The following CEP164 variants were observed in gnomAD, a reference collection of about 807,000 sequenced individuals.
CEP164 encodes centrosomal protein 164.
A neutral mutation model predicts 182.7 loss-of-function variants in CEP164; 162 were observed. That is an observed-to-expected ratio of 0.89 (90% CI 0.78 to 1.01). The LOEUF (loss-of-function observed/expected upper bound fraction) is 1.01. Among genes scored for constraint, CEP164 ranks in the 50% least tolerant of loss-of-function variants. CEP164 has a pLI of 0.00. For missense variants in CEP164, 1,735 were observed against 1,790.4 expected (o/e 0.97, Z 0.56); for synonymous variants, 661 against 690.0 (o/e 0.96, Z 0.66).
chr11:117,336,593 T>C (rs2037157667), intron 2 of CEP164: 1 of 1,461,614 alleles, frequency 6.8e-7, no homozygotes, highest in Non-Finnish European at 9.5e-7. Flanking sequence ...TTGGGGGATA[T>C]GGATTTGGCC....
At chr11:117,403,763 C>T (rs1000715283) in intron 27 of CEP164, among the ~76,000 whole-genome samples, 24 of 152,104 alleles carry the variant, frequency 1.6e-4, no homozygotes, top group Non-Finnish European at 2.9e-5. Context: ...CAACTTGATT[C>T]CATTCTCCCC....
chr11:117,350,113 T>A (rs1053344034), intron 4 of CEP164, among the ~76,000 whole-genome samples: 1 of 152,144 alleles, frequency 6.6e-6, no homozygotes, highest in African/African-American at 2.4e-5. Flanking sequence ...TTCACCATGT[T>A]GATCAGGCTG....
chr11:117,366,082 A>T (rs150247529), intron 8 of CEP164, among the ~76,000 whole-genome samples: 436 of 152,038 alleles, frequency 2.9e-3, no homozygotes, highest in African/African-American at 9.9e-3. Flanking sequence ...TTTTTGTCAC[A>T]TGGAGTGTTG....
intron 3 of CEP164, among the ~76,000 whole-genome samples, chr11:117,341,318 GATC>G (rs1399199218): frequency 6.6e-6 from 1 of 152,156 alleles, no homozygotes; most frequent in Non-Finnish European, 1.5e-5. Context: ...TTATAAAGCA[GATC>G]ATGTCAGGGC....
intron 30 of CEP164, chr11:117,410,201 C>G: frequency 3.2e-6 from 2 of 628,334 alleles, no homozygotes; most frequent in South Asian, 3.7e-5. Context: ...TGGGTTGGGA[C>G]GGTTTAGATG....
Position 117,395,152 on chromosome 11 carries a change from G to C in CEP164, c.2874G>C (p.Gln958His). ...QEETARREKQ[Q>H]LLDVQRQVAL... is the part of the protein sequence containing the mutation. ...AGACCGCCCGGAGGGAGAAGCAGCA[G>C]CTGCTTGATGTGCAGAGGCAGGTTG... Residue 958 changes from glutamine (Q) to histidine (H), a missense_variant, in exon 23 of 33, where the codon CAG becomes CAC. Gln to His is a conservative substitution (Grantham distance 24). Transcript: ENST00000278935. 1 of 1,614,162 alleles carries C rather than the reference G, an allele frequency of 6.2e-7. No homozygotes were observed. The highest frequency in any genetic ancestry group is 1.1e-5 in the South Asian group (1 of 91,080).
At position 117,383,460 on chromosome 11, in the gene CEP164, C is replaced by T. The variant is rs533983216; in HGVS notation, c.1724+518C>T. 2.6e-5 allele frequency among the ~76,000 whole-genome samples: 4 copies of T among 152,306 alleles called. 1 individual carries two copies. The South Asian group carries it at 8.3e-4, about 32-fold the overall frequency. ...CTTCACTGTTCTGGCCTGTGAGCTC[C>T]AAGTTCTGGCCAAAGGGTCATTTTT... On this transcript the variant is annotated intron_variant, in intron 14 of 32. Coordinates refer to ENST00000278935, the MANE Select transcript of CEP164 (RefSeq NM_014956.5).
chr11:117,400,643 T>G (rs546564725), intron 27 of CEP164, among the ~76,000 whole-genome samples: 2 of 152,252 alleles, frequency 1.3e-5, no homozygotes, highest in East Asian at 1.9e-4. Context: ...CCATTTGTTT[T>G]TGTCCTCTCT....
At chr11:117,335,086 T>C (rs963903799) in intron 1 of CEP164, among the ~76,000 whole-genome samples, 1 of 152,164 alleles carries the variant, frequency 6.6e-6, no homozygotes, top group Non-Finnish European at 1.5e-5. Flanking sequence ...AAGATTCAGG[T>C]GACTCTGTAA....
chr11:117,397,376 C>A, intron 27 of CEP164, 63 bp downstream of exon 27: 1 of 1,486,592 alleles, frequency 6.7e-7, no homozygotes, highest in Non-Finnish European at 9.1e-7. Flanking sequence ...GTCAGCAAAA[C>A]AGTCCTTTGG....
chr11:117,389,057 A>C (rs1354980782), intron 15 of CEP164, among the ~76,000 whole-genome samples: 1 of 152,262 alleles, frequency 6.6e-6, no homozygotes, highest in East Asian at 1.9e-4. Flanking sequence ...GGCGTGAGCC[A>C]CTGTGCCCGG....
intron 9 of CEP164, among the ~76,000 whole-genome samples, chr11:117,372,363 G>A (rs914474633): frequency 9.9e-5 from 15 of 151,748 alleles, no homozygotes; most frequent in Admixed American, 9.2e-4. Flanking sequence ...TGCCCGCCTC[G>A]GCCTCCCCAA....
chr11:117,408,333 G>A (rs1456231025), intron 28 of CEP164, among the ~76,000 whole-genome samples: 1 of 152,240 alleles, frequency 6.6e-6, no homozygotes, highest in Non-Finnish European at 1.5e-5. Flanking sequence ...GGACAGGTGT[G>A]ACCAGGGTGT....
chr11:117,344,409 C>T, intron 4 of CEP164, 132 bp downstream of exon 4: 1 of 609,262 alleles, frequency 1.6e-6, no homozygotes, highest in Non-Finnish European at 2.9e-6. Flanking sequence ...CTGTGCCACC[C>T]CTCTGCTATG....
At chr11:117,344,692 C>A (rs955982608) in intron 4 of CEP164, among the ~76,000 whole-genome samples, 1 of 152,110 alleles carries the variant, frequency 6.6e-6, no homozygotes, top group Non-Finnish European at 1.5e-5. Context: ...TTTGGGAGGC[C>A]GAGGTGGGTG....
At chr11:117,329,786 C>T (rs552383156) in intron 1 of CEP164, among the ~76,000 whole-genome samples, 2 of 151,624 alleles carry the variant, frequency 1.3e-5, no homozygotes, top group South Asian at 4.2e-4. Flanking sequence ...ATTATCCGCC[C>T]ACCTCCGCCT....
In CEP164 at chr11:117,396,531, T is replaced by C. The variant is rs757035264; in HGVS notation, c.3217-19T>C. ...TGCTTTTGCTACACTCAGTGGACTT[T>C]TCTACCATGTGTCCCTAGAACCAGA... On this transcript the variant is annotated intron_variant, in intron 25 of 32. Transcript: ENST00000278935. 10 of 1,610,474 alleles carry C rather than the reference T, an allele frequency of 6.2e-6. No homozygotes were observed. The highest frequency in any genetic ancestry group is 1.3e-5 in the African/African-American group (1 of 74,862).
In CEP164 at chr11:117,391,113, A is replaced by C. The variant is rs763800634; in HGVS notation, c.2181A>C (p.Glu727Asp). Reference protein sequence around the residue: ...KNRQMLEQLKEEIEASEKSEQ... With the variant: ...KNRQMLEQLKDEIEASEKSEQ... ...GGCAAATGCTGGAGCAGCTCAAGGA[A>C]GAGATAGAGGCTTCGGAGAAGAGCG... The change falls in exon 17 of 33, where the codon GAA becomes GAC. Residue 727 changes from glutamate (E) to aspartate (D), a missense_variant. Physicochemically the swap from Glu to Asp is conservative, Grantham distance 45 (BLOSUM62 2). Coordinates refer to ENST00000278935, the MANE Select transcript of CEP164 (RefSeq NM_014956.5). The C allele has an allele frequency of 6.2e-7, 1 of 1,614,064 alleles. No individual in the cohort carries two copies. Among genetic ancestry groups the C allele is most frequent in the Non-Finnish European group, 8.5e-7 (1 of 1,179,998 alleles).
At chr11:117,355,947 C>A in intron 5 of CEP164, 1 of 1,088,894 alleles carries the variant, frequency 9.2e-7, no homozygotes, top group Non-Finnish European at 1.1e-6. Flanking sequence ...CTAGGGTCTG[C>A]AGAGCTCCCT....
Sources: gnomAD v4.1 joint callset for allele counts (sites outside exome capture counted in the v4.1 genomes callset) on GRCh38, gnomAD v4.1.1 for gene constraint, MANE v1.5 for transcripts, NCBI Gene and HGNC (gene_info 2026-07-23, HGNC 2026-07-21) for gene names.